The following C3orf70 variants were observed in gnomAD, a reference collection of about 807,000 sequenced individuals.
C3orf70 encodes chromosome 3 open reading frame 70.
C3orf70 carries 15 observed loss-of-function variants against 20.7 expected under a neutral mutation model. The ratio of observed to expected loss-of-function variants is 0.72; its 90% CI spans 0.48 to 1.11. The LOEUF (loss-of-function observed/expected upper bound fraction) is 1.11. C3orf70 is among the 50% of genes most tolerant of loss of function. The pLI, the probability that C3orf70 is intolerant of heterozygous loss-of-function variation, is 0.00. For missense variants in C3orf70, 332 were observed against 317.6 expected (o/e 1.05, Z -0.34); for synonymous variants, 161 against 125.7 (o/e 1.28, Z -1.88).
Position 185,105,205 on chromosome 3 carries a change from T to C in C3orf70, c.197-21642A>G, listed in dbSNP as rs183691517. 3.9e-5 allele frequency among the ~76,000 whole-genome samples: 6 copies of C among 152,346 alleles called. No individual in the cohort carries two copies. The East Asian group carries it at 1.2e-3, about 29-fold the overall frequency. On this transcript the variant is annotated intron_variant, in intron 1 of 1. Coordinates refer to ENST00000335012, the MANE Select transcript of C3orf70 (RefSeq NM_001025266.3). ...TAGGACAACTGGATATCCACATGTG[T>C]TGGGAGCAGGCCCCCCAAAATCTGG...
chr3:185,106,486 G>GA (rs1715944676), intron 1 of C3orf70, among the ~76,000 whole-genome samples: 1 of 152,146 alleles, frequency 6.6e-6, no homozygotes, highest in Admixed American at 6.5e-5. Context: ...CCAGTTGAGG[G>GA]AAAAAAAGAA....
intron 1 of C3orf70, among the ~76,000 whole-genome samples, chr3:185,092,572 T>C (rs1014824114): frequency 6.6e-6 from 1 of 152,196 alleles, no homozygotes; most frequent in Admixed American, 6.5e-5. Context: ...GACAACCCTG[T>C]CCTCATGGAG....
At chr3:185,127,747 G>A (rs1716443067) in intron 1 of C3orf70, among the ~76,000 whole-genome samples, 1 of 151,936 alleles carries the variant, frequency 6.6e-6, no homozygotes, top group South Asian at 2.1e-4. Flanking sequence ...GCCACTATTT[G>A]TTTTTTTAAT....
intron 1 of C3orf70, among the ~76,000 whole-genome samples, chr3:185,090,475 ACTG>A (rs1294924012): frequency 3.9e-5 from 6 of 152,166 alleles, no homozygotes; most frequent in Admixed American, 1.3e-4. Flanking sequence ...CAAGAAGTAT[ACTG>A]CTCTCAGGGA....
intron 1 of C3orf70, among the ~76,000 whole-genome samples, chr3:185,134,747 T>C (rs1264834734): frequency 6.6e-6 from 1 of 152,184 alleles, no homozygotes; most frequent in East Asian, 1.9e-4. Flanking sequence ...AAGATGAACT[T>C]CCACCCTTGA....
At chr3:185,134,366 A>G (rs1716580530) in intron 1 of C3orf70, among the ~76,000 whole-genome samples, 1 of 152,194 alleles carries the variant, frequency 6.6e-6, no homozygotes, top group South Asian at 2.1e-4. Flanking sequence ...AAGTATAGCT[A>G]AATACCTTAG....
At chr3:185,138,080 G>C (rs1188705478) in intron 1 of C3orf70, among the ~76,000 whole-genome samples, 1 of 152,064 alleles carries the variant, frequency 6.6e-6, no homozygotes, top group African/African-American at 2.4e-5. Flanking sequence ...ACATACCATG[G>C]AGACAACAAA....
intron 1 of C3orf70, among the ~76,000 whole-genome samples, chr3:185,102,305 C>T (rs926159297): frequency 6.6e-6 from 1 of 152,170 alleles, no homozygotes; most frequent in Non-Finnish European, 1.5e-5. Flanking sequence ...GAAACACAAT[C>T]CCATTCACAA....
chr3:185,148,998 G>A (rs964538556), intron 1 of C3orf70, among the ~76,000 whole-genome samples: 5 of 152,124 alleles, frequency 3.3e-5, no homozygotes, highest in Non-Finnish European at 7.3e-5. Context: ...CCTTTTTCAA[G>A]CATCAGGATA....
chr3:185,149,191 G>C (rs565940478), intron 1 of C3orf70, among the ~76,000 whole-genome samples: 2 of 152,214 alleles, frequency 1.3e-5, no homozygotes, highest in South Asian at 2.1e-4. Flanking sequence ...TCAGGAGTTC[G>C]AGACCAGCCT....
chr3:185,096,476 C>T (rs1002418560), intron 1 of C3orf70, among the ~76,000 whole-genome samples: 4 of 152,148 alleles, frequency 2.6e-5, no homozygotes, highest in Non-Finnish European at 5.9e-5. Flanking sequence ...TACAATAAGA[C>T]TATGAATGTG....
chr3:185,103,827 T>C (rs184305262), intron 1 of C3orf70, among the ~76,000 whole-genome samples: 1 of 152,326 alleles, frequency 6.6e-6, no homozygotes, highest in Admixed American at 6.5e-5. Flanking sequence ...CCTTTTGTTC[T>C]TTGTGTGATT....
intron 1 of C3orf70, among the ~76,000 whole-genome samples, chr3:185,152,408 C>T (rs575546393): frequency 5.3e-5 from 8 of 152,342 alleles, no homozygotes; most frequent in South Asian, 4.1e-4. Context: ...CGAGGCGCCC[C>T]ACGGGATTTC....
chr3:185,081,149 G>A lies in C3orf70; in HGVS notation c.*1858C>T, dbSNP rs991129803. On this transcript the variant is annotated 3_prime_UTR_variant, in exon 2 of 2. Transcript: ENST00000335012. Reference sequence around the variant, plus strand: ...TCTTACAAATCCGGCCGGGCGTGGTGGCTCATGCTTGTAATCCCAGCACTT... The same window carrying A: ...TCTTACAAATCCGGCCGGGCGTGGTAGCTCATGCTTGTAATCCCAGCACTT... The A allele has an allele frequency of 1.3e-5, 2 of 152,134 alleles. No homozygotes were observed. Among genetic ancestry groups the A allele is most frequent in the East Asian group, 1.9e-4 (1 of 5,182 alleles). 9.4% of individuals were successfully genotyped at this position (152,134 alleles called of 1,614,324 possible).
At chr3:185,107,246 T>C (rs1237710921) in intron 1 of C3orf70, among the ~76,000 whole-genome samples, 1 of 152,218 alleles carries the variant, frequency 6.6e-6, no homozygotes, top group Non-Finnish European at 1.5e-5. Context: ...AAAGTAGTTA[T>C]ATCTTGCATT....
At chr3:185,119,274 T>C (rs1179589052) in intron 1 of C3orf70, among the ~76,000 whole-genome samples, 2 of 152,146 alleles carry the variant, frequency 1.3e-5, no homozygotes, top group Admixed American at 6.6e-5. Flanking sequence ...AACTTGCAGT[T>C]TTAAGATGAG....
At chr3:185,149,281 A>G (rs2108608649) in intron 1 of C3orf70, among the ~76,000 whole-genome samples, 1 of 151,878 alleles carries the variant, frequency 6.6e-6, no homozygotes, top group African/African-American at 2.4e-5. Context: ...AATTCCAGCT[A>G]CTTGGGAGGC....
At chr3:185,084,521 C>G (rs532550612) in intron 1 of C3orf70, among the ~76,000 whole-genome samples, 1 of 151,752 alleles carries the variant, frequency 6.6e-6, no homozygotes, top group Non-Finnish European at 1.5e-5. Flanking sequence ...CACCCCTCCC[C>G]GACACCAATT....
intron 1 of C3orf70, among the ~76,000 whole-genome samples, chr3:185,139,191 GGGA>G (rs1716695459): frequency 6.6e-6 from 1 of 151,286 alleles, no homozygotes; most frequent in Non-Finnish European, 1.5e-5. Flanking sequence ...GGGGAGAGGG[GGGA>G]GGAGGAGAAG....
Sources: allele counts gnomAD v4.1 joint callset (sites outside exome capture counted in the v4.1 genomes callset), GRCh38; gene constraint gnomAD v4.1.1; transcripts MANE v1.5; gene names NCBI Gene and HGNC (gene_info 2026-07-23, HGNC 2026-07-21).